Variants in WWP2 observed in about 807,000 individuals in gnomAD.
The protein encoded by WWP2 is WW domain containing E3 ubiquitin protein ligase 2, also known as NEDD4-like E3 ubiquitin-protein ligase WWP2.
In WWP2, 57 loss-of-function variants were observed where a neutral mutation model predicts 121.0. The observed-to-expected ratio is 0.47, with a 90% CI of 0.38 to 0.59. The LOEUF is 0.59. WWP2 is among the 20% of genes least tolerant of loss of function. The pLI, the probability that WWP2 is intolerant of heterozygous loss-of-function variation, is 0.00. For synonymous variants in WWP2, 449 were observed against 441.3 expected, an observed-to-expected ratio of 1.02 and a Z score of -0.22; for missense variants, 962 against 1,158.9, an observed-to-expected ratio of 0.83 and a Z score of 2.47.
At chr16:69,783,540 C>T (rs1388386500) in intron 1 of WWP2, among the ~76,000 whole-genome samples, 1 of 151,528 alleles carries the variant, frequency 6.6e-6, no homozygotes, top group Non-Finnish European at 1.5e-5. Flanking sequence ...CAGCCAGACC[C>T]TGTGTCTAAA....
At chr16:69,920,474 C>T (rs1226606657) in intron 10 of WWP2, among the ~76,000 whole-genome samples, 1 of 152,102 alleles carries the variant, frequency 6.6e-6, no homozygotes, top group Admixed American at 6.5e-5. Flanking sequence ...ATTTTGCCTG[C>T]CATTTTCTTG....
chr16:69,900,275 C>T (rs575741549), intron 8 of WWP2, among the ~76,000 whole-genome samples: 10 of 152,032 alleles, frequency 6.6e-5, no homozygotes, highest in African/African-American at 1.7e-4. Flanking sequence ...TCCCATTGAT[C>T]GTTCTTGATA....
chr16:69,796,277 C>T (rs1021500065), intron 2 of WWP2, among the ~76,000 whole-genome samples: 1 of 152,192 alleles, frequency 6.6e-6, no homozygotes, highest in East Asian at 1.9e-4. Context: ...TCTCAACTTA[C>T]AGTGGGGTTA....
intron 4 of WWP2, among the ~76,000 whole-genome samples, chr16:69,825,167 G>C (rs2056662922): frequency 1.0e-5 from 1 of 95,760 alleles, no homozygotes; most frequent in East Asian, 3.4e-4. Context: ...GCTCACACCT[G>C]TAATCCCAGC....
chr16:69,910,076 T>C (rs1238771732), intron 9 of WWP2: 1 of 153,682 alleles, frequency 6.5e-6, no homozygotes, highest in Non-Finnish European at 1.4e-5. Context: ...ATAATTACTT[T>C]GTGTAGCGCT....
chr16:69,892,745 G>A (rs1008290641), intron 8 of WWP2, among the ~76,000 whole-genome samples: 3 of 152,138 alleles, frequency 2.0e-5, no homozygotes, highest in Non-Finnish European at 4.4e-5. Flanking sequence ...TGTTTCCAAG[G>A]CTGGTCTCAA....
At chr16:69,929,257 A>G (rs1353910143) in intron 11 of WWP2, among the ~76,000 whole-genome samples, 191 bp from the exon 12 acceptor site, 1 of 149,208 alleles carries the variant, frequency 6.7e-6, no homozygotes, top group Non-Finnish European at 1.5e-5. Context: ...CACCACCAAC[A>G]AGGAAGGACC....
At chr16:69,820,800 A>G (rs1380467864) in intron 4 of WWP2, among the ~76,000 whole-genome samples, 1 of 150,594 alleles carries the variant, frequency 6.6e-6, no homozygotes, top group Non-Finnish European at 1.5e-5. Context: ...TGTACCTACA[A>G]CACAAAACCA....
chr16:69,881,431 G>A (rs1461630997), intron 7 of WWP2, among the ~76,000 whole-genome samples: 1 of 152,204 alleles, frequency 6.6e-6, no homozygotes, highest in Non-Finnish European at 1.5e-5. Context: ...ACTTGCTAAA[G>A]GCAATGCAGG....
At chr16:69,774,817 A>C (rs1363775692) in intron 1 of WWP2, 2 of 152,078 alleles carry the variant, frequency 1.3e-5, no homozygotes, top group Admixed American at 1.3e-4. Context: ...TAAAAATACC[A>C]AAATTAGCCA....
At chr16:69,822,743 C>A (rs1470124097) in intron 4 of WWP2, among the ~76,000 whole-genome samples, 2 of 152,110 alleles carry the variant, frequency 1.3e-5, no homozygotes, top group Admixed American at 1.3e-4. Context: ...AGGAGGCCAA[C>A]GGCAGGGAGG....
chr16:69,894,242 ATTT>A (rs34251036), intron 8 of WWP2, among the ~76,000 whole-genome samples: 119 of 132,078 alleles, frequency 9.0e-4, no homozygotes, highest in African/African-American at 2.9e-3. Flanking sequence ...TACCCAGGCT[ATTT>A]TTTTTTTTTT....
At chr16:69,830,067 G>C (rs1296863720) in intron 4 of WWP2, among the ~76,000 whole-genome samples, 2 of 151,888 alleles carry the variant, frequency 1.3e-5, no homozygotes, top group East Asian at 3.9e-4. Flanking sequence ...TGATTCTCCT[G>C]CCTCAGCCAC....
At position 69,937,698 on chromosome 16, in the gene WWP2, C is replaced by T. The variant is rs1306830569; in HGVS notation, c.2343+46C>T. Reference sequence around the variant, plus strand: ...TTGGCAGGGACATTTGGGCCATCAACCAAAGGAAACGGGTCCTGAGGAGGC... The same window carrying T: ...TTGGCAGGGACATTTGGGCCATCAATCAAAGGAAACGGGTCCTGAGGAGGC... On this transcript the variant is annotated intron_variant, in intron 21 of 23. Transcript: ENST00000359154. The surrounding 1 kb of genome is among the most constrained non-coding windows in gnomAD (Gnocchi z 6.6). 6.3e-7 allele frequency: 1 copy of T among 1,598,508 alleles called. No homozygotes were observed. The highest frequency in any genetic ancestry group is 8.6e-7 in the Non-Finnish European group (1 of 1,167,862).
intron 6 of WWP2, among the ~76,000 whole-genome samples, chr16:69,866,723 C>T (rs72785026): frequency 0.055 from 8,368 of 152,148 alleles, 287 homozygotes; most frequent in Middle Eastern, 0.11. Flanking sequence ...GTTGCTTCTA[C>T]CTCTTGGCTA....
At chr16:69,825,253 C>T (rs1218617043) in intron 4 of WWP2, among the ~76,000 whole-genome samples, 5 of 151,434 alleles carry the variant, frequency 3.3e-5, no homozygotes, top group Non-Finnish European at 5.9e-5. Flanking sequence ...GGTGAAACCC[C>T]GTCTCTACTA....
chr16:69,859,583 C>A (rs912947679), intron 6 of WWP2, among the ~76,000 whole-genome samples: 1 of 151,988 alleles, frequency 6.6e-6, no homozygotes, highest in African/African-American at 2.4e-5. Flanking sequence ...AAAAAAAAGT[C>A]ATTCAGGTCC....
At position 69,930,187 on chromosome 16, in the gene WWP2, G is replaced by A. The variant is rs2151989334; in HGVS notation, c.1374G>A (p.Gly458=). The A allele has an allele frequency of 6.2e-7, 1 of 1,613,954 alleles. No homozygotes were observed. Among genetic ancestry groups the A allele is most frequent in the Non-Finnish European group, 8.5e-7 (1 of 1,179,948 alleles). ...GGGAGATGAAATACACCAGCGAGGG[G>A]GTGCGATACTTTGTGGACCACAATA... The part of the protein sequence containing the change: ...PGWEMKYTSE[G]VRYFVDHNTR... Residue 458 remains glycine (G), a synonymous_variant, in exon 13 of 24, where the codon GGG becomes GGA. Coordinates refer to ENST00000359154, the MANE Select transcript of WWP2 (RefSeq NM_001270454.2).
intron 6 of WWP2, among the ~76,000 whole-genome samples, chr16:69,858,605 G>GT (rs2057362290): frequency 6.6e-6 from 1 of 151,926 alleles, no homozygotes; most frequent in Admixed American, 6.6e-5. Context: ...GGCTTCATCT[G>GT]TTTTTTTCTT....
Sources: gnomAD v4.1 joint callset for allele counts (sites outside exome capture counted in the v4.1 genomes callset) on GRCh38, gnomAD v4.1.1 for gene constraint, Gnocchi (gnomAD v3.1) non-coding constraint, MANE v1.5 for transcripts, NCBI Gene and HGNC (gene_info 2026-07-23, HGNC 2026-07-21) for gene names.